Variants in RBFOX1 observed in about 807,000 individuals in gnomAD.
The protein encoded by RBFOX1 is RNA binding fox-1 homolog 1.
In RBFOX1, 8 loss-of-function variants were observed where a neutral mutation model predicts 57.7. That is an observed-to-expected ratio of 0.14 (90% CI 0.08 to 0.25). The LOEUF is 0.25. Among genes scored for constraint, RBFOX1 ranks in the 10% least tolerant of loss-of-function variants. RBFOX1 has a pLI of 1.00. For missense variants in RBFOX1, 611 were observed against 548.5 expected (o/e 1.11, Z -1.14); for synonymous variants, 326 against 222.4 (o/e 1.47, Z -4.15).
chr16:7,193,304 C>T (rs143832208), intron 4 of RBFOX1, among the ~76,000 whole-genome samples: 13 of 152,240 alleles, frequency 8.5e-5, no homozygotes, highest in East Asian at 7.7e-4. Context: ...AGCAGGCTGC[C>T]GCTAGAGTCT....
At chr16:7,397,682 A>G (rs1276143734) in intron 4 of RBFOX1, among the ~76,000 whole-genome samples, 1 of 152,206 alleles carries the variant, frequency 6.6e-6, no homozygotes, top group Non-Finnish European at 1.5e-5. Context: ...AGTGATATTT[A>G]CATAGGAAGA....
intron 1 of RBFOX1, among the ~76,000 whole-genome samples, chr16:5,356,090 C>G (rs1369806140): frequency 6.6e-6 from 1 of 152,094 alleles, no homozygotes; most frequent in Non-Finnish European, 1.5e-5. Flanking sequence ...AACTCATTCT[C>G]AAGTAAAAAT....
chr16:6,286,097 A>C (rs2076880391), intron 1 of RBFOX1, among the ~76,000 whole-genome samples: 1 of 152,148 alleles, frequency 6.6e-6, no homozygotes, highest in Non-Finnish European at 1.5e-5. Context: ...CCCTCTTTCC[A>C]GGAGAAATGC....
chr16:7,118,695 G>C (rs1306701208), intron 4 of RBFOX1, among the ~76,000 whole-genome samples: 1 of 152,174 alleles, frequency 6.6e-6, no homozygotes, highest in Non-Finnish European at 1.5e-5. Flanking sequence ...GGAGGGATTA[G>C]TAAAGGCGTG....
intron 1 of RBFOX1, among the ~76,000 whole-genome samples, chr16:5,369,379 G>A (rs534798632): frequency 3.9e-5 from 6 of 152,178 alleles, no homozygotes; most frequent in Non-Finnish European, 7.3e-5. Flanking sequence ...TGTCTCTAAG[G>A]CCCTTGGAAT....
intron 4 of RBFOX1, among the ~76,000 whole-genome samples, chr16:7,298,297 T>TG (rs1262087092): frequency 2.0e-5 from 3 of 148,390 alleles, no homozygotes; most frequent in Non-Finnish European, 4.5e-5. Flanking sequence ...TTTTTTTTTT[T>TG]TTTTTTTTTG....
intron 1 of RBFOX1, among the ~76,000 whole-genome samples, chr16:5,438,138 A>G (rs916772899): frequency 2.6e-5 from 4 of 152,190 alleles, no homozygotes; most frequent in Non-Finnish European, 5.9e-5. Context: ...CTTTGTGGAT[A>G]TTACACTTCC....
intron 10 of RBFOX1, among the ~76,000 whole-genome samples, chr16:7,610,034 T>C (rs1487872021): frequency 6.6e-6 from 1 of 150,660 alleles, no homozygotes; most frequent in Non-Finnish European, 1.5e-5. Context: ...GCCAGGATGG[T>C]CTCCATCTCC....
intron 4 of RBFOX1, among the ~76,000 whole-genome samples, chr16:7,201,227 A>G (rs1358711040): frequency 6.6e-6 from 1 of 152,202 alleles, no homozygotes; most frequent in Non-Finnish European, 1.5e-5. Context: ...GAAACATCCC[A>G]AACCAAAGGA....
chr16:6,048,997 T>A (rs1236175382), intron 1 of RBFOX1, among the ~76,000 whole-genome samples: 2 of 151,998 alleles, frequency 1.3e-5, no homozygotes, highest in African/African-American at 4.8e-5. Flanking sequence ...TTGATCATCA[T>A]TTTGATGATC....
intron 13 of RBFOX1, among the ~76,000 whole-genome samples, chr16:7,672,865 C>CAAAAAAAAAAAAGAAAAA (rs2071963856): frequency 2.3e-5 from 1 of 42,890 alleles, no homozygotes; most frequent in African/African-American, 1.4e-4. Flanking sequence ...GACTCCATCT[C>CAAAAAAAAAAAAGAAAAA]AAAAAAAAAA....
intron 2 of RBFOX1, among the ~76,000 whole-genome samples, chr16:6,325,040 T>C (rs2082216949): frequency 6.6e-6 from 1 of 152,118 alleles, no homozygotes; most frequent in African/African-American, 2.4e-5. Flanking sequence ...TTGATCTACA[T>C]TCATGGGTTG....
chr16:5,725,883 T>A (rs1329391221), intron 3 of RBFOX1, among the ~76,000 whole-genome samples: 1 of 151,914 alleles, frequency 6.6e-6, no homozygotes, highest in Non-Finnish European at 1.5e-5. Flanking sequence ...GTTCAGCAGG[T>A]TTGCTGCAGG....
intron 1 of RBFOX1, among the ~76,000 whole-genome samples, chr16:6,158,540 T>C (rs1042966875): frequency 6.6e-6 from 1 of 152,250 alleles, no homozygotes; most frequent in Non-Finnish European, 1.5e-5. Flanking sequence ...AAACTTACTG[T>C]CATTTTAGCC....
At chr16:6,931,541 T>G (rs1224530687) in intron 3 of RBFOX1, among the ~76,000 whole-genome samples, 1 of 152,122 alleles carries the variant, frequency 6.6e-6, no homozygotes, top group Admixed American at 6.6e-5. Context: ...GCCAATTTGT[T>G]CACCCAAGGG....
chr16:7,016,303 T>G (rs978685181), intron 3 of RBFOX1, among the ~76,000 whole-genome samples: 7 of 152,188 alleles, frequency 4.6e-5, no homozygotes, highest in Non-Finnish European at 1.0e-4. Flanking sequence ...TCTGCCATAC[T>G]ATTCAAACTG....
intron 4 of RBFOX1, among the ~76,000 whole-genome samples, chr16:5,937,641 A>G (rs1335907713): frequency 6.7e-6 from 1 of 150,318 alleles, no homozygotes; most frequent in East Asian, 1.9e-4. Flanking sequence ...ATACAGTTTT[A>G]TATATATAGC....
intron 3 of RBFOX1, among the ~76,000 whole-genome samples, chr16:6,723,122 C>T (rs978710155): frequency 6.6e-6 from 1 of 152,118 alleles, no homozygotes; most frequent in Non-Finnish European, 1.5e-5. Context: ...ACGTGTTTGT[C>T]TTGGTTGCTG....
chr16:5,355,887 T>G (rs1830304), intron 1 of RBFOX1, among the ~76,000 whole-genome samples: 2 of 152,116 alleles, frequency 1.3e-5, no homozygotes, highest in Non-Finnish European at 2.9e-5. Flanking sequence ...GACTAGGAGT[T>G]TGAGACCAGC....
Sources: gnomAD v4.1 joint callset for allele counts (sites outside exome capture counted in the v4.1 genomes callset) on GRCh38, gnomAD v4.1.1 for gene constraint, MANE v1.5 for transcripts, NCBI Gene and HGNC (gene_info 2026-07-23, HGNC 2026-07-21) for gene names.